The following DLGAP2 variants were observed in gnomAD, a reference collection of about 807,000 sequenced individuals.
The protein encoded by DLGAP2 is disks large-associated protein 2.
DLGAP2 carries 26 observed loss-of-function variants against 100.3 expected under a neutral mutation model. That is an observed-to-expected ratio of 0.26 (90% CI 0.19 to 0.36). The LOEUF (loss-of-function observed/expected upper bound fraction) is 0.36. Ranked by LOEUF, DLGAP2 falls within the 10% of genes least tolerant of loss-of-function variation. The pLI is 1.00. For missense variants in DLGAP2, 1,858 were observed against 1,453.2 expected (o/e 1.28, Z -4.53); for synonymous variants, 886 against 630.1 (o/e 1.41, Z -6.08).
chr8:1,484,661 G>C (rs1311983532), intron 3 of DLGAP2, among the ~76,000 whole-genome samples: 1 of 152,220 alleles, frequency 6.6e-6, no homozygotes, highest in African/African-American at 2.4e-5. Flanking sequence ...GGTGAAAGTG[G>C]CTGAGGCATT....
intron 3 of DLGAP2, chr8:1,296,291 TC>T (rs11331161): frequency 0.21 from 32,103 of 152,100 alleles, 3,489 homozygotes; most frequent in South Asian, 0.33. Context: ...TGGGTTCTTT[TC>T]TAGAACCTCA....
Position 1,044,841 on chromosome 8 carries a change from T to A in DLGAP2, c.73+136875T>A, listed in dbSNP as rs115589501. On this transcript the variant is annotated intron_variant, in intron 2 of 14. Coordinates refer to ENST00000637795, the MANE Select transcript of DLGAP2 (RefSeq NM_001346810.2). ...GACCTGCAGAACGGACCCACCCACGTGCTTCCTCAGGGTCAAAACCCCAAT... is the reference window on the plus strand; with the variant it reads ...GACCTGCAGAACGGACCCACCCACGAGCTTCCTCAGGGTCAAAACCCCAAT... Among the ~76,000 whole-genome samples, 873 of 152,324 alleles carry A rather than the reference T, an allele frequency of 5.7e-3. 10 individuals carry two copies. Among genetic ancestry groups the A allele is most frequent in the African/African-American group, 0.02 (814 of 41,572 alleles).
chr8:1,453,357 G>T (rs11136392), intron 3 of DLGAP2, among the ~76,000 whole-genome samples: 23,056 of 152,118 alleles, frequency 0.15, 2,003 homozygotes, highest in South Asian at 0.27. Flanking sequence ...ATCTTCTTGA[G>T]TACTTTCACA....
At chr8:1,480,035 T>G (rs1482766069) in intron 3 of DLGAP2, among the ~76,000 whole-genome samples, 1 of 152,096 alleles carries the variant, frequency 6.6e-6, no homozygotes, top group East Asian at 1.9e-4. Context: ...CAGGTGCAAT[T>G]AGTATCTCTC....
chr8:1,303,227 C>G (rs1272327708), intron 3 of DLGAP2, among the ~76,000 whole-genome samples: 1 of 152,076 alleles, frequency 6.6e-6, no homozygotes. Flanking sequence ...GAAACCCCGT[C>G]TCTACTAAAA....
intron 2 of DLGAP2, among the ~76,000 whole-genome samples, chr8:1,133,910 C>T (rs959468213): frequency 6.6e-6 from 1 of 151,610 alleles, no homozygotes; most frequent in Non-Finnish European, 1.5e-5. Flanking sequence ...AAATGTGTGT[C>T]ATGGGGGTTT....
At chr8:988,087 A>G (rs951653981) in intron 2 of DLGAP2, among the ~76,000 whole-genome samples, 1 of 152,114 alleles carries the variant, frequency 6.6e-6, no homozygotes, top group Non-Finnish European at 1.5e-5. Flanking sequence ...TTCTATTCTC[A>G]TAGGCCCTGA....
intron 2 of DLGAP2, among the ~76,000 whole-genome samples, chr8:925,005 T>G (rs1798783736): frequency 6.6e-6 from 1 of 151,984 alleles, no homozygotes; most frequent in Non-Finnish European, 1.5e-5. Flanking sequence ...TTGCTATTGG[T>G]GTATTGATAG....
intron 1 of DLGAP2, among the ~76,000 whole-genome samples, chr8:834,215 C>G (rs1338201138): frequency 6.6e-6 from 1 of 152,192 alleles, no homozygotes; most frequent in Non-Finnish European, 1.5e-5. Context: ...CTGACGAGTC[C>G]CAGTAGAGCA....
intron 3 of DLGAP2, among the ~76,000 whole-genome samples, chr8:1,364,380 G>C (rs138879485): frequency 6.6e-6 from 1 of 152,082 alleles, no homozygotes; most frequent in Non-Finnish European, 1.5e-5. Context: ...CGTGCGGAAT[G>C]AGGAGTGGTC....
chr8:1,096,528 C>T (rs917299219), intron 2 of DLGAP2, among the ~76,000 whole-genome samples: 3 of 151,978 alleles, frequency 2.0e-5, no homozygotes, highest in African/African-American at 7.3e-5. Flanking sequence ...GAGGACCCCT[C>T]CAGCGTGAGG....
intron 2 of DLGAP2, among the ~76,000 whole-genome samples, chr8:952,808 T>A (rs887908312): frequency 5.3e-5 from 8 of 152,234 alleles, no homozygotes; most frequent in African/African-American, 1.9e-4. Flanking sequence ...ATTAGAAGCA[T>A]GTGGAGTCTC....
chr8:1,021,457 G>T (rs748030308), intron 2 of DLGAP2, among the ~76,000 whole-genome samples: 19 of 152,304 alleles, frequency 1.2e-4, no homozygotes, highest in Non-Finnish European at 2.2e-4. Context: ...GGCAGGGGCA[G>T]ATTAGCCATG....
At chr8:1,487,144 C>A (rs1472907520) in intron 3 of DLGAP2, among the ~76,000 whole-genome samples, 1 of 152,178 alleles carries the variant, frequency 6.6e-6, no homozygotes, top group African/African-American at 2.4e-5. Context: ...GTAAACTTGA[C>A]ATGTGATGTA....
intron 6 of DLGAP2, among the ~76,000 whole-genome samples, chr8:1,584,030 G>C (rs6994392): frequency 6.6e-6 from 1 of 151,696 alleles, no homozygotes; most frequent in Non-Finnish European, 1.5e-5. Context: ...CTCACTGCTC[G>C]TGCTTGTCTC....
At chr8:1,037,376 C>G (rs535340143) in intron 2 of DLGAP2, among the ~76,000 whole-genome samples, 1 of 152,176 alleles carries the variant, frequency 6.6e-6, no homozygotes, top group African/African-American at 2.4e-5. Flanking sequence ...CGCCTCGGGC[C>G]CAGGGCTTCC....
chr8:1,289,194 T>C (rs1800004560), intron 3 of DLGAP2, among the ~76,000 whole-genome samples: 1 of 152,152 alleles, frequency 6.6e-6, no homozygotes, highest in African/African-American at 2.4e-5. Context: ...GTAACCAGTA[T>C]TGGGAGTGAA....
chr8:1,414,815 C>T (rs911066057), intron 3 of DLGAP2, among the ~76,000 whole-genome samples: 5 of 152,126 alleles, frequency 3.3e-5, no homozygotes, highest in African/African-American at 1.2e-4. Context: ...TTGAGACCAG[C>T]CTGGCCAACA....
chr8:1,002,205 C>G (rs1294683754), intron 2 of DLGAP2: 2 of 152,116 alleles, frequency 1.3e-5, no homozygotes, highest in Non-Finnish European at 2.9e-5. Flanking sequence ...TGCTCACACC[C>G]GAGACCCTTT....
Sources: allele counts gnomAD v4.1 joint callset (sites outside exome capture counted in the v4.1 genomes callset), GRCh38; gene constraint gnomAD v4.1.1; transcripts MANE v1.5; gene names NCBI Gene and HGNC (gene_info 2026-07-23, HGNC 2026-07-21).